The following RIPOR3 variants were observed in gnomAD, a reference collection of about 807,000 sequenced individuals.
RIPOR3 encodes the protein family with sequence similarity 65 member C.
In RIPOR3, 95 loss-of-function variants were observed where a neutral mutation model predicts 114.3. That is an observed-to-expected ratio of 0.83 (90% confidence interval 0.70 to 0.99). The LOEUF (loss-of-function observed/expected upper bound fraction) is 0.99, where lower values mean the gene tolerates loss of function less well. RIPOR3 is among the 50% of genes least tolerant of loss of function. The pLI is 0.00. For missense variants in RIPOR3, 1,252 were observed against 1,266.9 expected (o/e 0.99, Z 0.18); for synonymous variants, 575 against 543.8 (o/e 1.06, Z -0.80).
intron 1 of RIPOR3, among the ~76,000 whole-genome samples, chr20:50,663,825 C>T (rs1406631807): frequency 1.3e-5 from 2 of 152,184 alleles, no homozygotes; most frequent in Non-Finnish European, 2.9e-5. Context: ...AACACCTCAC[C>T]TCTCTCACAA....
intron 1 of RIPOR3, among the ~76,000 whole-genome samples, chr20:50,649,693 C>T (rs150042231): frequency 0.013 from 1,919 of 152,212 alleles, 25 homozygotes; most frequent in Non-Finnish European, 0.02. Flanking sequence ...GAGGTTCGCT[C>T]AGCCCAGTGG....
chr20:50,673,393 G>A (rs559480061), intron 1 of RIPOR3, among the ~76,000 whole-genome samples: 3 of 152,192 alleles, frequency 2.0e-5, no homozygotes, highest in Admixed American at 6.5e-5. Context: ...TCTCTGCCAC[G>A]TGGCCGGTTC....
chr20:50,611,021 C>A, intron 5 of RIPOR3, 115 bp from the exon 6 acceptor site: 1 of 310,518 alleles, frequency 3.2e-6, no homozygotes, highest in Non-Finnish European at 4.8e-6. Flanking sequence ...CCCTCACCAT[C>A]CCTGAGGAAG....
chr20:50,664,936 T>C (rs1374659066), intron 1 of RIPOR3, among the ~76,000 whole-genome samples: 1 of 152,006 alleles, frequency 6.6e-6, no homozygotes, highest in Non-Finnish European at 1.5e-5. Context: ...AACTTGTCTC[T>C]ACTAAAAATA....
At chr20:50,613,408 G>A (rs896448348) in intron 4 of RIPOR3, among the ~76,000 whole-genome samples, 5 of 152,150 alleles carry the variant, frequency 3.3e-5, no homozygotes, top group Admixed American at 1.3e-4. Context: ...AATGGAGATC[G>A]TGACACTGGA....
intron 1 of RIPOR3, among the ~76,000 whole-genome samples, chr20:50,631,994 A>G (rs2084836075): frequency 6.6e-6 from 1 of 152,138 alleles, no homozygotes; most frequent in Non-Finnish European, 1.5e-5. Flanking sequence ...CTGCACGATG[A>G]GACCCCCATG....
intron 1 of RIPOR3, among the ~76,000 whole-genome samples, chr20:50,654,421 A>AG (rs1389736167): frequency 5.6e-5 from 4 of 71,382 alleles, no homozygotes; most frequent in Middle Eastern, 0.015. Context: ...CAGGAGGCAG[A>AG]GTTTTTTTTT....
In RIPOR3 at chr20:50,609,359, G is replaced by C; in HGVS notation, c.577-3C>G. On this transcript the variant is annotated splice_polypyrimidine_tract_variant and splice_region_variant and intron_variant, in intron 7 of 21. Transcript: ENST00000327979. ...GCCCCCTCGATGAGCCACATGTCCTGCAAAGCCCCGGAGGTGGCTCAGCTG... is the reference window on the plus strand; with the variant it reads ...GCCCCCTCGATGAGCCACATGTCCTCCAAAGCCCCGGAGGTGGCTCAGCTG... The C allele has an allele frequency of 1.2e-6, 2 of 1,613,140 alleles. No homozygotes were observed. Among genetic ancestry groups the C allele is most frequent in the Non-Finnish European group, 1.7e-6 (2 of 1,179,484 alleles).
intron 2 of RIPOR3, among the ~76,000 whole-genome samples, chr20:50,624,491 G>A (rs1193027590): frequency 2.0e-5 from 3 of 152,138 alleles, no homozygotes; most frequent in South Asian, 2.1e-4. Flanking sequence ...ACCTGCTCCC[G>A]GGAAAGCTCT....
Position 50,610,887 on chromosome 20 carries a change from C to T in RIPOR3, c.392G>A (p.Arg131Lys), listed in dbSNP as rs1568856721. 6.2e-7 allele frequency: 1 copy of T among 1,614,222 alleles called. No individual in the cohort carries two copies. The highest frequency in any genetic ancestry group is 8.5e-7 in the Non-Finnish European group (1 of 1,180,038). Reference protein sequence around the residue: ...DLDKQTRCVERHIRKMEFHIS... With the variant: ...DLDKQTRCVEKHIRKMEFHIS... ...GTGAAACTCCATCTTCCGAATGTGC[C>T]TTTCCACACAGCGCGTTTGCTTCTC... Residue 131 changes from arginine to lysine, a missense_variant, in exon 6 of 22, where the codon AGG becomes AAG. Arg to Lys is a conservative substitution (Grantham distance 26, BLOSUM62 2). Coordinates refer to ENST00000327979, the MANE Select transcript of RIPOR3 (RefSeq NM_001290268.2).
chr20:50,647,595 G>A (rs894773391), intron 1 of RIPOR3, among the ~76,000 whole-genome samples: 11 of 146,246 alleles, frequency 7.5e-5, no homozygotes, highest in African/African-American at 2.8e-4. Flanking sequence ...CCATTCTCCT[G>A]CCTCAGCCTC....
At chr20:50,625,462 C>T (rs910171178) in intron 2 of RIPOR3, among the ~76,000 whole-genome samples, 1 of 152,246 alleles carries the variant, frequency 6.6e-6, no homozygotes, top group Non-Finnish European at 1.5e-5. Context: ...GGAAACTGAA[C>T]TTGCATCACT....
rs11470692 is a variant in RIPOR3, at chr20:50,686,748, T to TA, written c.3+4377dup. On this transcript the variant is annotated intron_variant, in intron 1 of 21. Coordinates refer to ENST00000327979, the MANE Select transcript of RIPOR3 (RefSeq NM_001290268.2). ...CCTGGGCGACAGAGCGAGACTCTGT[T>TA]AAAAAAAAAAAAAAGAAAGAAAGAA... Among the ~76,000 whole-genome samples the TA allele has an allele frequency of 1.8e-3, 249 of 142,058 alleles. 1 individual carries two copies. The highest frequency in any genetic ancestry group is 3.6e-3 in the Middle Eastern group (1 of 276). 93.2% of individuals were successfully genotyped at this position (142,058 alleles called of 152,430 possible). A position where few individuals can be genotyped will look rare whatever the true frequency, so the allele number is the denominator to read the frequency against.
chr20:50,676,965 G>A (rs965934963), intron 1 of RIPOR3, among the ~76,000 whole-genome samples: 17 of 152,248 alleles, frequency 1.1e-4, no homozygotes, highest in African/African-American at 2.4e-4. Flanking sequence ...TGCGTGCACC[G>A]CATTGTGCCA....
At chr20:50,634,725 G>A (rs2084925631) in intron 1 of RIPOR3, among the ~76,000 whole-genome samples, 1 of 152,192 alleles carries the variant, frequency 6.6e-6, no homozygotes, top group Admixed American at 6.6e-5. Flanking sequence ...ATGGACAAAT[G>A]TTTTCTGTAA....
intron 2 of RIPOR3, chr20:50,620,892 G>C: frequency 1.5e-6 from 1 of 646,522 alleles, no homozygotes. Context: ...GACATGATCC[G>C]GGAGGTGTGT....
intron 1 of RIPOR3, among the ~76,000 whole-genome samples, chr20:50,669,051 T>C (rs990044585): frequency 6.6e-6 from 1 of 152,004 alleles, no homozygotes; most frequent in Non-Finnish European, 1.5e-5. Flanking sequence ...CGCATGCACA[T>C]GCACACTCAC....
At chr20:50,651,030 G>T (rs916997858) in intron 1 of RIPOR3, among the ~76,000 whole-genome samples, 1 of 151,780 alleles carries the variant, frequency 6.6e-6, no homozygotes, top group Non-Finnish European at 1.5e-5. Context: ...GGAGTGCAGT[G>T]GCATGATCTC....
chr20:50,669,521 C>G (rs540798502), intron 1 of RIPOR3, among the ~76,000 whole-genome samples: 41 of 152,308 alleles, frequency 2.7e-4, no homozygotes, highest in African/African-American at 8.4e-4. Flanking sequence ...CATGGCAGAT[C>G]TAGTTCCTGA....
Sources: allele counts gnomAD v4.1 joint callset (sites outside exome capture counted in the v4.1 genomes callset), GRCh38; gene constraint gnomAD v4.1.1; transcripts MANE v1.5; gene names NCBI Gene and HGNC (gene_info 2026-07-23, HGNC 2026-07-21).